Variants in HSDL2 observed in about 807,000 individuals in gnomAD.
The protein encoded by HSDL2 is hydroxysteroid dehydrogenase like 2.
In HSDL2, 27 loss-of-function variants were observed where a neutral mutation model predicts 46.3. The ratio of observed to expected loss-of-function variants is 0.58; its 90% CI spans 0.43 to 0.80. The LOEUF (loss-of-function observed/expected upper bound fraction) is 0.80. HSDL2 is among the 30% of genes least tolerant of loss of function. The pLI is 0.00. For synonymous variants in HSDL2, 153 were observed against 163.6 expected, an observed-to-expected ratio of 0.94 and a Z score of 0.50; for missense variants, 451 against 502.7, an observed-to-expected ratio of 0.90 and a Z score of 0.98.
At chr9:112,450,795 ATTG>A (rs1587962685) in intron 8 of HSDL2, among the ~76,000 whole-genome samples, 1 of 152,054 alleles carries the variant, frequency 6.6e-6, no homozygotes, top group African/African-American at 2.4e-5. Context: ...GTAGGTTCAT[ATTG>A]TTTTTTATTT....
At chr9:112,408,607 A>T (rs141989712) in intron 3 of HSDL2, among the ~76,000 whole-genome samples, 217 of 152,376 alleles carry the variant, frequency 1.4e-3, no homozygotes, top group Middle Eastern at 3.4e-3. Context: ...TGTATGGCAT[A>T]GCCTATTGCT....
intron 1 of HSDL2, among the ~76,000 whole-genome samples, chr9:112,394,369 G>A (rs1831413761): frequency 6.6e-6 from 1 of 152,106 alleles, no homozygotes; most frequent in South Asian, 2.1e-4. Flanking sequence ...AACTACCTAT[G>A]GAAAGAAGGA....
At chr9:112,403,367 C>T (rs576182020) in intron 1 of HSDL2, among the ~76,000 whole-genome samples, 1 of 152,352 alleles carries the variant, frequency 6.6e-6, no homozygotes, top group African/African-American at 2.4e-5. Flanking sequence ...GTTTCTTCCT[C>T]TTAGCAGAAT....
At chr9:112,457,804 TTC>T (rs770221894) in intron 9 of HSDL2, among the ~76,000 whole-genome samples, 7 of 152,130 alleles carry the variant, frequency 4.6e-5, no homozygotes, top group Non-Finnish European at 8.8e-5. Flanking sequence ...TGCCTTGACA[TTC>T]TCTCTCAAAT....
intron 9 of HSDL2, among the ~76,000 whole-genome samples, chr9:112,458,103 GT>G (rs10603358): frequency 1.7e-4 from 26 of 151,180 alleles, no homozygotes; most frequent in Middle Eastern, 3.4e-3. Context: ...TAGTGCCACT[GT>G]TTTTTTTTTT....
At chr9:112,448,615 CTT>C (rs1832803373) in intron 8 of HSDL2, among the ~76,000 whole-genome samples, 1 of 151,948 alleles carries the variant, frequency 6.6e-6, no homozygotes, top group Non-Finnish European at 1.5e-5. Flanking sequence ...GCGGCATTTT[CTT>C]CTTGGCTCAC....
At chr9:112,468,257 G>A (rs1303911801) in intron 10 of HSDL2, among the ~76,000 whole-genome samples, 1 of 152,076 alleles carries the variant, frequency 6.6e-6, no homozygotes, top group African/African-American at 2.4e-5. Flanking sequence ...AAAGGTAAAT[G>A]TCATTTTCCC....
At chr9:112,459,703 G>A in intron 10 of HSDL2, 126 bp downstream of exon 10, 1 of 795,130 alleles carries the variant, frequency 1.3e-6, no homozygotes, top group Non-Finnish European at 2.0e-6. Flanking sequence ...TTAGTTTTGG[G>A]AAGGCTGTTC....
intron 9 of HSDL2, among the ~76,000 whole-genome samples, chr9:112,454,547 T>C (rs1041907164): frequency 1.3e-5 from 2 of 152,232 alleles, no homozygotes; most frequent in East Asian, 1.9e-4. Flanking sequence ...AACTCTGGCA[T>C]ATTTGAGAGA....
rs1833570567 is a variant in HSDL2, at chr9:112,471,372, C to T, written c.*828C>T. 1 of 152,162 alleles carries T rather than the reference C, an allele frequency of 6.6e-6. No individual in the cohort carries two copies. Among genetic ancestry groups the T allele is most frequent in the South Asian group, 2.1e-4 (1 of 4,826 alleles). The allele number at this position is 152,162 out of a possible 1,614,324, so 9.4% of individuals were successfully genotyped here. ...AGAGGTGACTTAAGTTCAAAGGAGG[C>T]TGTTAGTCTAATCCAACATGGTGTC... On this transcript the variant is annotated 3_prime_UTR_variant, in exon 11 of 11. Coordinates refer to ENST00000398805, the MANE Select transcript of HSDL2 (RefSeq NM_032303.5).
intron 8 of HSDL2, 41 bp downstream of exon 8, chr9:112,441,811 C>G (rs1485476305): frequency 7.9e-7 from 1 of 1,265,152 alleles, no homozygotes; most frequent in Admixed American, 1.8e-5. Flanking sequence ...AATATAAATC[C>G]TAACTTATGT....
chr9:112,448,628 T>C (rs1348164269), intron 8 of HSDL2, among the ~76,000 whole-genome samples: 6 of 152,176 alleles, frequency 3.9e-5, no homozygotes, highest in African/African-American at 1.2e-4. Flanking sequence ...CTTGGCTCAC[T>C]GCAACGTCCG....
intron 4 of HSDL2, among the ~76,000 whole-genome samples, chr9:112,414,948 C>T (rs1383536941): frequency 8.2e-6 from 1 of 122,196 alleles, no homozygotes; most frequent in Non-Finnish European, 1.7e-5. Flanking sequence ...GCTCCTGGTT[C>T]AGGGTAAAGA....
chr9:112,449,738 A>G (rs577255311), intron 8 of HSDL2, among the ~76,000 whole-genome samples: 13 of 151,686 alleles, frequency 8.6e-5, no homozygotes, highest in Non-Finnish European at 1.6e-4. Context: ...GGTGGTGCAC[A>G]TCTGTAATCC....
intron 1 of HSDL2, among the ~76,000 whole-genome samples, chr9:112,396,339 G>A (rs1341551580): frequency 1.3e-5 from 2 of 152,124 alleles, no homozygotes; most frequent in East Asian, 3.9e-4. Flanking sequence ...TAGATTAGAG[G>A]AAATAATAGA....
At chr9:112,467,207 TA>T (rs1427920705) in intron 10 of HSDL2, among the ~76,000 whole-genome samples, 36 of 672 alleles carry the variant, frequency 0.054, no homozygotes, top group African/African-American at 0.27. Flanking sequence ...CAAAGTGTGG[TA>T]TATACATATA....
chr9:112,454,289 T>C (rs1324730917), intron 9 of HSDL2, 127 bp downstream of exon 9: 7 of 681,510 alleles, frequency 1.0e-5, no homozygotes, highest in Non-Finnish European at 1.7e-5. Context: ...TACTCTTGAA[T>C]GTAGACATTC....
In HSDL2 at chr9:112,471,620, G is replaced by A. The variant is rs1833576915; in HGVS notation, c.*1076G>A. On this transcript the variant is annotated 3_prime_UTR_variant, in exon 11 of 11. Transcript: ENST00000398805. ...ACGCAGGAGGATTGCTTGAGGCCAGGAGTTCAAGGCCAGCCTGGACAACAT... is the reference window on the plus strand; with the variant it reads ...ACGCAGGAGGATTGCTTGAGGCCAGAAGTTCAAGGCCAGCCTGGACAACAT... The A allele has an allele frequency of 6.6e-6, 1 of 152,208 alleles. No homozygotes were observed. Among genetic ancestry groups the A allele is most frequent in the Admixed American group, 6.5e-5 (1 of 15,272 alleles). The allele number at this position is 152,208 out of a possible 1,614,324, so 9.4% of individuals were successfully genotyped here. A position where few individuals can be genotyped will look rare whatever the true frequency, so the allele number is the denominator to read the frequency against.
intron 6 of HSDL2, among the ~76,000 whole-genome samples, chr9:112,433,588 C>T (rs901696789): frequency 6.6e-6 from 1 of 152,066 alleles, no homozygotes; most frequent in African/African-American, 2.4e-5. Context: ...GCTTGTAAGA[C>T]TGTAGAGAGA....
Sources: gnomAD v4.1 joint callset for allele counts (sites outside exome capture counted in the v4.1 genomes callset) on GRCh38, gnomAD v4.1.1 for gene constraint, MANE v1.5 for transcripts, NCBI Gene and HGNC (gene_info 2026-07-23, HGNC 2026-07-21) for gene names.